Variants in PRMT3 observed in about 807,000 individuals in gnomAD.
The protein encoded by PRMT3 is protein arginine methyltransferase 3, also known as protein arginine N-methyltransferase 3.
PRMT3 carries 62 observed loss-of-function variants against 71.9 expected under a neutral mutation model. The ratio of observed to expected loss-of-function variants is 0.86; its 90% confidence interval spans 0.70 to 1.07. The LOEUF (loss-of-function observed/expected upper bound fraction) is 1.07. Ranked by LOEUF, PRMT3 falls within the 50% of genes least tolerant of loss-of-function variation. The pLI is 0.00. For synonymous variants in PRMT3, 213 were observed against 220.4 expected (o/e 0.97, Z 0.30); for missense variants, 663 against 643.0 (o/e 1.03, Z -0.34).
rs200525312 is a variant in PRMT3 at position 20,448,030 on chromosome 11, A to AT, written c.994-4092dup. ...ACAAAGTGTTTTACTCCATTCCACA[A>AT]TTTTTTTTAGTGTTTTCTCCTTCCT... On this transcript the variant is annotated intron_variant, in intron 10 of 15. Transcript: ENST00000331079. 3.9e-5 allele frequency among the ~76,000 whole-genome samples: 6 copies of AT among 152,010 alleles called. No homozygotes were observed. In the East Asian group the frequency reaches 7.7e-4, roughly 20 times the overall value.
chr11:20,468,115 G>T (rs1409071685), intron 13 of PRMT3, among the ~76,000 whole-genome samples: 14 of 152,078 alleles, frequency 9.2e-5, no homozygotes, highest in Non-Finnish European at 1.5e-4. Context: ...GAAAGTTTTT[G>T]AAAAAGCCTA....
intron 7 of PRMT3, among the ~76,000 whole-genome samples, chr11:20,402,274 C>T (rs148379929): frequency 0.036 from 5,475 of 152,136 alleles, 233 homozygotes; most frequent in Admixed American, 0.12. Flanking sequence ...CATGCGCCAC[C>T]ACACCCGACT....
chr11:20,434,191 C>T (rs1389957342), intron 10 of PRMT3, among the ~76,000 whole-genome samples: 3 of 152,090 alleles, frequency 2.0e-5, no homozygotes, highest in Non-Finnish European at 4.4e-5. Context: ...AAAAGTGTCT[C>T]TTCATGTCCT....
At chr11:20,425,039 G>A (rs1342655509) in intron 9 of PRMT3, among the ~76,000 whole-genome samples, 1 of 151,652 alleles carries the variant, frequency 6.6e-6, no homozygotes, top group Non-Finnish European at 1.5e-5. Context: ...GAGAGAGGTT[G>A]AGGCTGCAGT....
chr11:20,434,113 T>A (rs1849713825), intron 10 of PRMT3, among the ~76,000 whole-genome samples: 1 of 152,194 alleles, frequency 6.6e-6, no homozygotes, highest in African/African-American at 2.4e-5. Flanking sequence ...TGATGTTCAT[T>A]TCTCTAATGA....
chr11:20,463,156 T>C (rs868174289), intron 12 of PRMT3, among the ~76,000 whole-genome samples: 8 of 152,322 alleles, frequency 5.3e-5, no homozygotes, highest in Middle Eastern at 3.4e-3. Flanking sequence ...ATCACGCTGT[T>C]ACTTTCATAT....
chr11:20,424,300 C>A (rs75593471), intron 9 of PRMT3, among the ~76,000 whole-genome samples: 4,360 of 151,766 alleles, frequency 0.029, 215 homozygotes, highest in African/African-American at 0.099. Context: ...GAATTTAAAG[C>A]TATAGTAATG....
intron 13 of PRMT3, 103 bp downstream of exon 13, chr11:20,464,649 T>G: frequency 6.6e-7 from 1 of 1,513,500 alleles, no homozygotes; most frequent in Admixed American, 2.1e-5. Flanking sequence ...AAATGACTAT[T>G]GCCTCTGACA....
intron 13 of PRMT3, among the ~76,000 whole-genome samples, chr11:20,478,774 C>T (rs1027749054): frequency 3.9e-5 from 6 of 152,134 alleles, no homozygotes; most frequent in Non-Finnish European, 8.8e-5. Context: ...TAAGAAAAAA[C>T]TTCAAGATTA....
chr11:20,478,164 A>G (rs534661991), intron 13 of PRMT3, among the ~76,000 whole-genome samples: 1 of 152,278 alleles, frequency 6.6e-6, no homozygotes, highest in South Asian at 2.1e-4. Context: ...TTAATGAGAA[A>G]TGTTTAGTCA....
At chr11:20,449,284 G>A (rs1397355533) in intron 10 of PRMT3, among the ~76,000 whole-genome samples, 1 of 152,180 alleles carries the variant, frequency 6.6e-6, no homozygotes, top group Non-Finnish European at 1.5e-5. Context: ...CTAAGGGCCA[G>A]TTGCCAACTG....
chr11:20,412,529 A>G (rs549877361), intron 9 of PRMT3, among the ~76,000 whole-genome samples: 2 of 151,724 alleles, frequency 1.3e-5, no homozygotes, highest in South Asian at 2.1e-4. Flanking sequence ...ACATTTATCA[A>G]TTTTTCACGA....
chr11:20,423,598 T>C (rs1280016126), intron 9 of PRMT3, among the ~76,000 whole-genome samples: 1 of 152,210 alleles, frequency 6.6e-6, no homozygotes, highest in Non-Finnish European at 1.5e-5. Flanking sequence ...CTACTATCTA[T>C]GGCTTTCATC....
chr11:20,476,408 A>ACTATGAACATTTTAATAT (rs1850785808), intron 13 of PRMT3, among the ~76,000 whole-genome samples: 2 of 152,122 alleles, frequency 1.3e-5, no homozygotes, highest in African/African-American at 4.8e-5. Flanking sequence ...GGAGGCAAGT[A>ACTATGAACATTTTAATAT]CTATGAACAT....
chr11:20,493,798 T>A, intron 13 of PRMT3, 121 bp from the exon 14 acceptor site: 1 of 669,228 alleles, frequency 1.5e-6, no homozygotes, highest in South Asian at 2.2e-5. Flanking sequence ...AAATATTGAG[T>A]TTAAGAGGTA....
intron 7 of PRMT3, among the ~76,000 whole-genome samples, chr11:20,400,233 TTTA>T (rs1158221414): frequency 2.0e-5 from 3 of 152,220 alleles, no homozygotes; most frequent in Non-Finnish European, 4.4e-5. Context: ...TGGCCTTGTT[TTTA>T]TAGAGTATAA....
intron 10 of PRMT3, among the ~76,000 whole-genome samples, chr11:20,430,661 T>G (rs1849636308): frequency 6.6e-6 from 1 of 152,190 alleles, no homozygotes; most frequent in Non-Finnish European, 1.5e-5. Context: ...AGTGAGATTA[T>G]TACTGCTGTC....
At chr11:20,472,160 C>T (rs181840180) in intron 13 of PRMT3, among the ~76,000 whole-genome samples, 26 of 152,288 alleles carry the variant, frequency 1.7e-4, no homozygotes, top group Non-Finnish European at 3.2e-4. Flanking sequence ...GATAATTTGA[C>T]TTCCTCTCTT....
At chr11:20,402,892 C>T (rs1848980408) in intron 7 of PRMT3, 27 bp from the exon 8 acceptor site, 1 of 1,565,436 alleles carries the variant, frequency 6.4e-7, no homozygotes, top group South Asian at 1.1e-5. Context: ...GTCCTATAAA[C>T]ACAGCGTTTT....
Sources: allele counts gnomAD v4.1 joint callset (sites outside exome capture counted in the v4.1 genomes callset), GRCh38; gene constraint gnomAD v4.1.1; transcripts MANE v1.5; gene names NCBI Gene and HGNC (gene_info 2026-07-23, HGNC 2026-07-21).